The following PSMC3IP variants were observed in gnomAD, a reference collection of about 807,000 sequenced individuals.
PSMC3IP encodes PSMC3 interacting protein.
PSMC3IP carries 26 observed loss-of-function variants against 34.9 expected under a neutral mutation model. The observed-to-expected ratio is 0.74, with a 90% CI of 0.55 to 1.03. The LOEUF (loss-of-function observed/expected upper bound fraction) is 1.03. Among genes scored for constraint, PSMC3IP ranks in the 50% least tolerant of loss-of-function variants. PSMC3IP has a pLI of 0.00. For synonymous variants in PSMC3IP, 87 were observed against 96.5 expected, an observed-to-expected ratio of 0.90 and a Z score of 0.57; for missense variants, 250 against 263.1, an observed-to-expected ratio of 0.95 and a Z score of 0.34.
At position 42,572,912 on chromosome 17, in the gene PSMC3IP, A is replaced by C; in HGVS notation, c.*56T>G. On this transcript the variant is annotated 3_prime_UTR_variant, in exon 8 of 8. Coordinates refer to ENST00000393795, the MANE Select transcript of PSMC3IP (RefSeq NM_016556.4). Reference sequence around the variant, plus strand: ...AACCAAAAACAAGGTAGCCAGTGCAAGACATCTCACTCTTCTGACATCCTG... The same window carrying C: ...AACCAAAAACAAGGTAGCCAGTGCACGACATCTCACTCTTCTGACATCCTG... 3 of 1,590,004 alleles carry C rather than the reference A, an allele frequency of 1.9e-6. No individual in the cohort carries two copies. Among genetic ancestry groups the C allele is most frequent in the Non-Finnish European group, 2.6e-6 (3 of 1,159,290 alleles).
At chr17:42,574,824 G>C (rs764777587) in intron 3 of PSMC3IP, among the ~76,000 whole-genome samples, 1 of 146,796 alleles carries the variant, frequency 6.8e-6, no homozygotes, top group Non-Finnish European at 1.5e-5. Flanking sequence ...TGCAATCTTG[G>C]CTGACTGCAA....
In PSMC3IP at chr17:42,577,576, GC is replaced by G; in HGVS notation, c.35-16del. On this transcript the variant is annotated splice_polypyrimidine_tract_variant and intron_variant, in intron 1 of 7. Transcript: ENST00000393795. ...GATCCCGGCGGCTACGGAGAGAAAGGCAGGGGAGGGGGCCACTCAACCGACC... is the reference window on the plus strand; with the variant it reads ...GATCCCGGCGGCTACGGAGAGAAAGGAGGGGAGGGGGCCACTCAACCGACC... 1 of 1,614,162 alleles carries G rather than the reference GC, an allele frequency of 6.2e-7. No individual in the cohort carries two copies. Among genetic ancestry groups the G allele is most frequent in the Non-Finnish European group, 8.5e-7 (1 of 1,180,022 alleles).
upstream of PSMC3IP, chr17:42,577,808 G>T: frequency 8.3e-7 from 1 of 1,211,098 alleles, no homozygotes; most frequent in Non-Finnish European, 1.2e-6. Context: ...TTCCGGAGGA[G>T]CAAAGCGACC....
At chr17:42,577,005 G>C (rs1259242846) in intron 3 of PSMC3IP, 11 of 1,247,732 alleles carry the variant, frequency 8.8e-6, no homozygotes. Flanking sequence ...CAACAATACA[G>C]AATCTTCTGT....
At chr17:42,577,820 C>T (rs1296231374), upstream of PSMC3IP, 3 of 1,046,504 alleles carry the variant, frequency 2.9e-6, no homozygotes, top group Admixed American at 1.9e-5. Context: ...AAAGCGACCC[C>T]TCCCGGACTC....
rs747258684 is a variant in PSMC3IP at position 42,574,120 on chromosome 17, TCTG to T, written c.313_315del (p.Gln105del). 1 of 1,614,162 alleles carries T rather than the reference TCTG, an allele frequency of 6.2e-7. No individual in the cohort carries two copies. Among genetic ancestry groups the T allele is most frequent in the East Asian group, 2.2e-5 (1 of 44,886 alleles). On this transcript the variant is annotated inframe_deletion, in exon 4 of 8. Transcript: ENST00000393795. ...CTACCAGCCTCCATGTAGCGGCAGC[TCTG>T]CTGCAAGCTCTGCACCTTAGCAGTG...
At chr17:42,575,504 A>G (rs1106927) in intron 3 of PSMC3IP, among the ~76,000 whole-genome samples, 6,779 of 152,266 alleles carry the variant, frequency 0.045, 519 homozygotes, top group African/African-American at 0.16. Flanking sequence ...TTAGAGAATT[A>G]TCTTTAGATG....
In PSMC3IP at chr17:42,573,368, GAAGGAAA is replaced by G; in HGVS notation, c.484-11_484-5del. 1 of 1,614,076 alleles carries G rather than the reference GAAGGAAA, an allele frequency of 6.2e-7. No homozygotes were observed. Among genetic ancestry groups the G allele is most frequent in the Non-Finnish European group, 8.5e-7 (1 of 1,180,006 alleles). On this transcript the variant is annotated splice_polypyrimidine_tract_variant and splice_region_variant and intron_variant, in intron 5 of 7. Coordinates refer to ENST00000393795, the MANE Select transcript of PSMC3IP (RefSeq NM_016556.4). ...ACTTCTGCCTCTCTCTGTACACCTA[GAAGGAAA>G]AAGCAAGTTCCTCTAACTCCTCAGA...
chr17:42,576,757 G>A (rs1015055813), intron 3 of PSMC3IP: 6 of 240,530 alleles, frequency 2.5e-5, no homozygotes, highest in African/African-American at 1.4e-4. Context: ...TAGGGGAGGA[G>A]AATGTTAGAA....
Position 42,577,168 on chromosome 17 carries a change from G to A in PSMC3IP, c.225+45C>T, listed in dbSNP as rs367997182. The A allele has an allele frequency of 8.1e-6, 13 of 1,613,466 alleles. No individual in the cohort carries two copies. The South Asian group carries it at 1.4e-4, about 18-fold the overall frequency. On this transcript the variant is annotated intron_variant, in intron 3 of 7. Coordinates refer to ENST00000393795, the MANE Select transcript of PSMC3IP (RefSeq NM_016556.4). Reference sequence around the variant, plus strand: ...GTTCACACCAGGAGTAGATTCACCCGTTGTCGGGCTCTCATGGGTGACAAT... The same window carrying A: ...GTTCACACCAGGAGTAGATTCACCCATTGTCGGGCTCTCATGGGTGACAAT...
In PSMC3IP at chr17:42,572,588, C is replaced by T. The variant is rs1213670946; in HGVS notation, c.*380G>A. On this transcript the variant is annotated 3_prime_UTR_variant, in exon 8 of 8. Coordinates refer to ENST00000393795, the MANE Select transcript of PSMC3IP (RefSeq NM_016556.4). ...CGTTTTATAGCAACCTCTCTCTACC[C>T]TAGTTCTCCAAATTCACTTCTGCCT... The T allele has an allele frequency of 2.2e-6, 1 of 453,250 alleles. No individual in the cohort carries two copies. Among genetic ancestry groups the T allele is most frequent in the Admixed American group, 2.4e-5 (1 of 42,470 alleles). The allele number at this position is 453,250 out of a possible 1,614,324, so 28.1% of individuals were successfully genotyped here.
At chr17:42,573,761 T>G (rs1375678108) in intron 4 of PSMC3IP, 138 bp from the exon 5 acceptor site, 1 of 1,501,682 alleles carries the variant, frequency 6.7e-7, no homozygotes, top group East Asian at 2.4e-5. Flanking sequence ...CAGGATTATT[T>G]ATTCTTCTAA....
chr17:42,577,466 T>G lies in PSMC3IP; in HGVS notation c.130A>C (p.Lys44Gln). 1 of 1,614,038 alleles carries G rather than the reference T, an allele frequency of 6.2e-7. No individual in the cohort carries two copies. Among genetic ancestry groups the G allele is most frequent in the Non-Finnish European group, 8.5e-7 (1 of 1,179,970 alleles). The change falls in exon 2 of 8, where the codon AAG (lysine) becomes CAG (glutamine). Residue 44 changes from lysine to glutamine, a missense_variant. Transcript: ENST00000393795. ...GNLQREHGLG[K>Q]AVVVKTLEQL... ...TCCCGGGAGAAGGTCCTCACCGCCTTGCCCAGTCCGTGTTCCCGCTGTAGG... is the reference window on the plus strand; with the variant it reads ...TCCCGGGAGAAGGTCCTCACCGCCTGGCCCAGTCCGTGTTCCCGCTGTAGG...
At chr17:42,575,394 G>A (rs945144971) in intron 3 of PSMC3IP, among the ~76,000 whole-genome samples, 1 of 152,206 alleles carries the variant, frequency 6.6e-6, no homozygotes, top group African/African-American at 2.4e-5. Flanking sequence ...GTGAGTAGTT[G>A]TGGCAGTTGT....
Position 42,573,005 on chromosome 17 carries a change from GTC to G in PSMC3IP, c.615_616del (p.Glu205AspfsTer3), listed in dbSNP as rs1035130800. 1.2e-6 allele frequency: 2 copies of G among 1,614,198 alleles called. No homozygotes were observed. The highest frequency in any genetic ancestry group is 1.7e-6 in the Non-Finnish European group (2 of 1,180,038). Reference sequence around the variant, plus strand: ...GAGTGTGACGTTGTAATCTTCATCCGTCTCTATCCCAACTTCCTCCTGTGAGA... The same window carrying G: ...GAGTGTGACGTTGTAATCTTCATCCGTCTATCCCAACTTCCTCCTGTGAGA... On this transcript the variant is annotated frameshift_variant, in exon 8 of 8. Transcript: ENST00000393795. LOFTEE classifies it high-confidence loss of function.
At position 42,573,025 on chromosome 17, in the gene PSMC3IP, C is replaced by T. The variant is rs143015116; in HGVS notation, c.598-1G>A. Reference sequence around the variant, plus strand: ...CATCCGTCTCTATCCCAACTTCCTCCTGTGAGACAGGGAGACAAGTGAATG... The same window carrying T: ...CATCCGTCTCTATCCCAACTTCCTCTTGTGAGACAGGGAGACAAGTGAATG... On this transcript the variant is annotated splice_acceptor_variant, in intron 7 of 7. Transcript: ENST00000393795. LOFTEE classifies it high-confidence loss of function. 142 of 1,614,120 alleles carry T rather than the reference C, an allele frequency of 8.8e-5. No individual in the cohort carries two copies. The highest frequency in any genetic ancestry group is 1.2e-4 in the Non-Finnish European group (136 of 1,180,054).
chr17:42,577,345 T>TGG, intron 2 of PSMC3IP, 43 bp from the exon 3 acceptor site: 1 of 1,611,100 alleles, frequency 6.2e-7, no homozygotes, highest in Non-Finnish European at 8.5e-7. Context: ...AGTCTGAGCC[T>TGG]GGGTCTGGGG....
rs987400901 is a variant in PSMC3IP, at chr17:42,572,505, C to G, written c.*463G>C. The G allele has an allele frequency of 4.4e-6, 2 of 454,236 alleles. No homozygotes were observed. Among genetic ancestry groups the G allele is most frequent in the Non-Finnish European group, 8.8e-6 (2 of 226,750 alleles). The allele number at this position is 454,236 out of a possible 1,614,324, so 28.1% of individuals were successfully genotyped here. A position where few individuals can be genotyped will look rare whatever the true frequency, so the allele number is the denominator to read the frequency against. Reference sequence around the variant, plus strand: ...AGCGTACAAAAGATACTTAAAAGGGCTCCTGGGGTACACAAGCCCAGCAGG... The same window carrying G: ...AGCGTACAAAAGATACTTAAAAGGGGTCCTGGGGTACACAAGCCCAGCAGG... On this transcript the variant is annotated 3_prime_UTR_variant, in exon 8 of 8. Transcript: ENST00000393795.
chr17:42,576,941 G>A, intron 3 of PSMC3IP: 1 of 563,764 alleles, frequency 1.8e-6, no homozygotes, highest in Non-Finnish European at 2.9e-6. Flanking sequence ...AGAGGGTGTT[G>A]CTAATGTAGA....
Sources: gnomAD v4.1 joint callset for allele counts (sites outside exome capture counted in the v4.1 genomes callset) on GRCh38, gnomAD v4.1.1 for gene constraint, MANE v1.5 for transcripts, NCBI Gene and HGNC (gene_info 2026-07-23, HGNC 2026-07-21) for gene names.